ZPBP: variants seen among roughly 807,000 people sequenced by gnomAD.
ZPBP encodes zona pellucida binding protein.
ZPBP carries 26 observed loss-of-function variants against 44.8 expected under a neutral mutation model. That is an observed-to-expected ratio of 0.58 (90% CI 0.43 to 0.81). The LOEUF (loss-of-function observed/expected upper bound fraction) is 0.81, where lower values mean the gene tolerates loss of function less well. Ranked by LOEUF, ZPBP falls within the 30% of genes least tolerant of loss-of-function variation. The pLI is 0.00. For synonymous variants in ZPBP, 174 were observed against 153.2 expected (o/e 1.14, Z -1.00); for missense variants, 409 against 434.0 (o/e 0.94, Z 0.51).
In ZPBP at chr7:50,040,643, G is replaced by A. The variant is rs576009128; in HGVS notation, c.488-9333C>T. Among the ~76,000 whole-genome samples the A allele has an allele frequency of 1.2e-4, 19 of 152,230 alleles. No homozygotes were observed. In the East Asian group the frequency reaches 2.3e-3, roughly 19 times the overall value. On this transcript the variant is annotated intron_variant, in intron 4 of 7. Coordinates refer to ENST00000046087, the MANE Select transcript of ZPBP (RefSeq NM_007009.3). ...TGCAGCCCAGACACTACCCTTTTCC[G>A]ACAGTCTTCGCAACCTGCAGACCAG...
At chr7:49,939,243 T>G (rs1474295143) in intron 7 of ZPBP, among the ~76,000 whole-genome samples, 1 of 152,208 alleles carries the variant, frequency 6.6e-6, no homozygotes, top group Non-Finnish European at 1.5e-5. Flanking sequence ...AAGAGAAATC[T>G]GCATGCAGTC....
intron 7 of ZPBP, among the ~76,000 whole-genome samples, chr7:49,982,250 A>G (rs1216240090): frequency 2.8e-5 from 3 of 105,790 alleles, no homozygotes; most frequent in East Asian, 4.7e-4. Flanking sequence ...ATTATATTAT[A>G]TATTTATATT....
At chr7:50,051,351 C>T (rs907262682) in intron 4 of ZPBP, among the ~76,000 whole-genome samples, 1 of 152,112 alleles carries the variant, frequency 6.6e-6, no homozygotes, top group Non-Finnish European at 1.5e-5. Context: ...TAAATTAGTT[C>T]AACCATTGTG....
rs183432969 is a variant in ZPBP, at chr7:50,078,123, G to A, written c.334+3651C>T. On this transcript the variant is annotated intron_variant, in intron 3 of 7. Coordinates refer to ENST00000046087, the MANE Select transcript of ZPBP (RefSeq NM_007009.3). ...CTGGAACTGGAGATCATTATGTTAA[G>A]CGAAATAAGCAGTCATAAGAAGACA... Among the ~76,000 whole-genome samples the A allele has an allele frequency of 2.6e-4, 39 of 151,836 alleles. No individual in the cohort carries two copies. The East Asian group carries it at 4.6e-3, about 18-fold the overall frequency.
intron 3 of ZPBP, among the ~76,000 whole-genome samples, chr7:50,068,462 A>G (rs1226533442): frequency 6.8e-6 from 1 of 147,784 alleles, no homozygotes; most frequent in African/African-American, 2.5e-5. Flanking sequence ...TGGCCCTGAC[A>G]TTTATCCTTC....
At chr7:49,989,441 A>G (rs961590040) in intron 6 of ZPBP, among the ~76,000 whole-genome samples, 29 of 152,358 alleles carry the variant, frequency 1.9e-4, no homozygotes, top group African/African-American at 7.0e-4. Context: ...ACAGAGTTCC[A>G]TCAAAGTGAA....
In ZPBP at chr7:49,906,616, G is replaced by T. The variant is rs182524486; in HGVS notation, n.412-5401C>A. Among the ~76,000 whole-genome samples, 268 of 152,266 alleles carry T rather than the reference G, an allele frequency of 1.8e-3. 1 individual carries two copies. The highest frequency in any genetic ancestry group is 4.8e-3 in the African/African-American group (201 of 41,548). On this transcript the variant is annotated intron_variant and non_coding_transcript_variant, in intron 1 of 2. Coordinates refer to the ZPBP transcript ENST00000465922. ...CTCACAAAGTGCTGGGATTACAGGC[G>T]TGAGCCACCGCACCCAGCCAACTGT...
At chr7:49,892,083 G>C (rs1389819629) in intron 2 of ZPBP, among the ~76,000 whole-genome samples, 1 of 118,218 alleles carries the variant, frequency 8.5e-6, no homozygotes, top group Non-Finnish European at 1.6e-5. Context: ...CTCGCTCTGT[G>C]GCCCAGGCGG....
At chr7:49,993,919 C>G (rs1236215562) in intron 6 of ZPBP, among the ~76,000 whole-genome samples, 1 of 152,146 alleles carries the variant, frequency 6.6e-6, no homozygotes, top group Non-Finnish European at 1.5e-5. Context: ...CCATCCCCTG[C>G]CTTATTAAAA....
chr7:49,921,435 T>C (rs1167162977), intron 1 of ZPBP: 1 of 152,230 alleles, frequency 6.6e-6, no homozygotes, highest in Admixed American at 6.5e-5. Flanking sequence ...TTAATGTAAC[T>C]TGGCAGTAAA....
intron 2 of ZPBP, among the ~76,000 whole-genome samples, chr7:49,883,731 T>C (rs1791779549): frequency 6.6e-6 from 1 of 152,192 alleles, no homozygotes; most frequent in Admixed American, 6.5e-5. Context: ...TCAAAGACAA[T>C]GAACACAAAT....
chr7:50,042,002 C>T (rs1164726137), intron 4 of ZPBP, among the ~76,000 whole-genome samples: 1 of 151,978 alleles, frequency 6.6e-6, no homozygotes, highest in Non-Finnish European at 1.5e-5. Context: ...AGCTAAAAAC[C>T]ACAGCATGAG....
chr7:50,083,856 G>A (rs1302631411), intron 2 of ZPBP, among the ~76,000 whole-genome samples: 2 of 151,830 alleles, frequency 1.3e-5, no homozygotes, highest in Admixed American at 1.3e-4. Flanking sequence ...ATAACTGAAG[G>A]CAAGTAATTA....
intron 2 of ZPBP, among the ~76,000 whole-genome samples, chr7:49,893,690 A>G (rs871280): frequency 0.014 from 2,086 of 151,558 alleles, 60 homozygotes; most frequent in African/African-American, 0.048. Flanking sequence ...AAAATATGTC[A>G]GGTATATAAA....
intron 6 of ZPBP, among the ~76,000 whole-genome samples, chr7:50,010,736 T>C (rs773529301): frequency 1.2e-4 from 19 of 152,056 alleles, no homozygotes; most frequent in Non-Finnish European, 2.4e-4. Context: ...TCCACGCTCA[T>C]GGATGAGTAG....
rs183247312 is a variant in ZPBP at position 49,924,810 on chromosome 7, G to A, written n.411+10941C>T. ...AAACTCTGAAAGTTGGAAAGAAGGT[G>A]GTGGCTGCCCAAGGACTTCAGGATT... On this transcript the variant is annotated intron_variant and non_coding_transcript_variant, in intron 1 of 2. Coordinates refer to the ZPBP transcript ENST00000465922. Among the ~76,000 whole-genome samples the A allele has an allele frequency of 3.9e-5, 6 of 152,256 alleles. No homozygotes were observed. The East Asian group carries it at 9.6e-4, about 24-fold the overall frequency.
chr7:49,975,726 C>T (rs1796482942), intron 7 of ZPBP, among the ~76,000 whole-genome samples: 1 of 152,162 alleles, frequency 6.6e-6, no homozygotes. Flanking sequence ...GATGTCCTGG[C>T]ATCCTGCATA....
intron 2 of ZPBP, among the ~76,000 whole-genome samples, chr7:49,874,383 T>C (rs1005482917): frequency 1.3e-5 from 2 of 152,206 alleles, no homozygotes; most frequent in African/African-American, 4.8e-5. Context: ...CCGTGCAGGT[T>C]TGTAGCCTAG....
chr7:49,935,149 C>T (rs1794577739), downstream of ZPBP, among the ~76,000 whole-genome samples: 1 of 152,076 alleles, frequency 6.6e-6, no homozygotes, highest in African/African-American at 2.4e-5. Flanking sequence ...TATTTATACT[C>T]ATAGAACTTT....
Sources: allele counts gnomAD v4.1 joint callset (sites outside exome capture counted in the v4.1 genomes callset), GRCh38; gene constraint gnomAD v4.1.1; transcripts MANE v1.5; gene names NCBI Gene and HGNC (gene_info 2026-07-23, HGNC 2026-07-21).